The following CUBN variants were observed in gnomAD, a reference collection of about 807,000 sequenced individuals.
CUBN encodes cubilin, also known as 460 kDa receptor.
A neutral mutation model predicts 405.3 loss-of-function variants in CUBN; 282 were observed. The observed-to-expected ratio is 0.70, with a 90% CI of 0.63 to 0.77. The LOEUF is 0.77. CUBN is among the 30% of genes least tolerant of loss of function. CUBN has a pLI of 0.00. For synonymous variants in CUBN, 1,684 were observed against 1,617.0 expected, an observed-to-expected ratio of 1.04 and a Z score of -0.99; for missense variants, 4,514 against 4,475.2, an observed-to-expected ratio of 1.01 and a Z score of -0.25.
rs57009841 is a variant in CUBN at position 16,889,953 on chromosome 10, A to AG, written c.8755+417_8755+418insC. 1.9e-4 allele frequency among the ~76,000 whole-genome samples: 23 copies of AG among 118,028 alleles called. 7 individuals are homozygous for AG. Among genetic ancestry groups the AG allele is most frequent in the South Asian group, 2.5e-4 (1 of 4,034 alleles). The allele number at this position is 118,028 out of a possible 152,430, so 77.4% of individuals were successfully genotyped here. ...GCCGTGTCAAAAAAAAAAAAAAAAA[A>AG]CAGGAAAGACTTCGTCATGGAAATT... On this transcript the variant is annotated intron_variant, in intron 55 of 66. Coordinates refer to ENST00000377833, the MANE Select transcript of CUBN (RefSeq NM_001081.4).
At chr10:16,895,522 C>T (rs1841157725) in intron 54 of CUBN, among the ~76,000 whole-genome samples, 1 of 152,140 alleles carries the variant, frequency 6.6e-6, no homozygotes, top group Non-Finnish European at 1.5e-5. Flanking sequence ...GATTTGTCTA[C>T]TTCTCTTCTT....
chr10:17,036,653 T>G (rs1834907915), intron 27 of CUBN, among the ~76,000 whole-genome samples: 1 of 152,110 alleles, frequency 6.6e-6, no homozygotes, highest in Non-Finnish European at 1.5e-5. Flanking sequence ...AAAGATTCAT[T>G]CTAGAATCTC....
chr10:16,960,518 C>A (rs1564448298), intron 31 of CUBN, among the ~76,000 whole-genome samples: 1 of 151,818 alleles, frequency 6.6e-6, no homozygotes, highest in South Asian at 2.1e-4. Context: ...AAAACCCCCA[C>A]AAAAACAAAA....
At chr10:17,016,170 T>C (rs4284311) in intron 28 of CUBN, among the ~76,000 whole-genome samples, 96,944 of 150,354 alleles carry the variant, frequency 0.64, 31,638 homozygotes, top group African/African-American at 0.75. Context: ...CATAGCCACT[T>C]GAGGAAGGCA....
At chr10:16,849,312 T>C (rs1839609152) in intron 60 of CUBN, among the ~76,000 whole-genome samples, 1 of 152,174 alleles carries the variant, frequency 6.6e-6, no homozygotes, top group Non-Finnish European at 1.5e-5. Flanking sequence ...CCTTTTGCCT[T>C]CTCCAGTTGC....
At chr10:16,851,502 A>G (rs1839684309) in intron 59 of CUBN, 59 bp from the exon 60 acceptor site, 1 of 1,456,412 alleles carries the variant, frequency 6.9e-7, no homozygotes, top group Non-Finnish European at 9.6e-7. Context: ...TACATTGTAC[A>G]TGGAGGGTTT....
intron 56 of CUBN, 34 bp downstream of exon 56, chr10:16,888,383 A>T (rs751868518): frequency 3.2e-6 from 5 of 1,565,506 alleles, no homozygotes; most frequent in Non-Finnish European, 4.4e-6. Flanking sequence ...TTGTTTGTCA[A>T]TTAAACGTAA....
chr10:17,008,238 GGTGTGTGT>G (rs55936618), intron 28 of CUBN, among the ~76,000 whole-genome samples: 120 of 80,904 alleles, frequency 1.5e-3, no homozygotes, highest in African/African-American at 4.2e-3. Flanking sequence ...GCCCGTGTGT[GGTGTGTGT>G]GTGTGTGTGT....
At chr10:17,105,931 T>C (rs1030987531) in intron 10 of CUBN, among the ~76,000 whole-genome samples, 1 of 152,152 alleles carries the variant, frequency 6.6e-6, no homozygotes, top group Non-Finnish European at 1.5e-5. Context: ...AGGAGATTCT[T>C]AGGATGAAAC....
At chr10:16,869,097 T>C (rs1354097691) in intron 59 of CUBN, among the ~76,000 whole-genome samples, 1 of 151,918 alleles carries the variant, frequency 6.6e-6, no homozygotes, top group Non-Finnish European at 1.5e-5. Context: ...TCTAGATTTC[T>C]ATCATAAGCT....
intron 6 of CUBN, chr10:17,122,377 A>G: frequency 3.3e-6 from 1 of 301,540 alleles, no homozygotes; most frequent in Non-Finnish European, 6.7e-6. Flanking sequence ...ACCCAAAACT[A>G]TGAGCTTGCT....
intron 33 of CUBN, among the ~76,000 whole-genome samples, chr10:16,951,128 G>A (rs1842911752): frequency 6.6e-6 from 1 of 152,110 alleles, no homozygotes; most frequent in African/African-American, 2.4e-5. Context: ...TCATCTAAAT[G>A]CTTTACAACT....
chr10:16,905,390 C>T (rs112267464), intron 50 of CUBN, among the ~76,000 whole-genome samples: 4 of 152,138 alleles, frequency 2.6e-5, no homozygotes, highest in Non-Finnish European at 4.4e-5. Context: ...TTTTCCATCA[C>T]GAAAACCAAG....
intron 34 of CUBN, 91 bp downstream of exon 34, chr10:16,949,910 T>C (rs920196373): frequency 9.5e-6 from 9 of 947,884 alleles, no homozygotes; most frequent in Admixed American, 2.0e-5. Context: ...ATTGGAAACA[T>C]TGCAACCTAG....
rs543188111 is a variant in CUBN at position 16,873,670 on chromosome 10, C to T, written c.9236+704G>A. Among the ~76,000 whole-genome samples, 28 of 146,596 alleles carry T rather than the reference C, an allele frequency of 1.9e-4. 1 individual carries two copies. The highest frequency in any genetic ancestry group is 4.8e-4 in the African/African-American group (19 of 39,900). On this transcript the variant is annotated intron_variant, in intron 58 of 66. Coordinates refer to ENST00000377833, the MANE Select transcript of CUBN (RefSeq NM_001081.4). The stretch of plus-strand genomic sequence containing the variant: ...CTGGGAGGCAGAGGTTGCAGTGAGC[C>T]GAGATTGTGCCACTACACTCCAGCC...
chr10:17,034,112 T>C (rs532422517), intron 27 of CUBN, among the ~76,000 whole-genome samples: 3 of 152,284 alleles, frequency 2.0e-5, no homozygotes, highest in Non-Finnish European at 4.4e-5. Flanking sequence ...TTATAAAGAC[T>C]GGAGGGAAAT....
At chr10:17,122,106 C>T in intron 6 of CUBN, 1 of 153,340 alleles carries the variant, frequency 6.5e-6, no homozygotes, top group Non-Finnish European at 1.5e-5. Context: ...ATCCCTAGAG[C>T]ATGATGGGAA....
chr10:16,845,545 T>TG (rs1231698926), intron 60 of CUBN, among the ~76,000 whole-genome samples: 1 of 152,214 alleles, frequency 6.6e-6, no homozygotes. Flanking sequence ...CCCAGATGTC[T>TG]GGGAAAAAGC....
At chr10:16,860,063 A>T (rs1839971585) in intron 59 of CUBN, among the ~76,000 whole-genome samples, 1 of 152,188 alleles carries the variant, frequency 6.6e-6, no homozygotes, top group South Asian at 2.1e-4. Context: ...GGATGTATAA[A>T]TAATAATTTT....
Sources: allele counts gnomAD v4.1 joint callset (sites outside exome capture counted in the v4.1 genomes callset), GRCh38; gene constraint gnomAD v4.1.1; transcripts MANE v1.5; gene names NCBI Gene and HGNC (gene_info 2026-07-23, HGNC 2026-07-21).